The following PIBF1 variants were observed in gnomAD, a reference collection of about 807,000 sequenced individuals.
PIBF1 encodes the protein progesterone-induced-blocking factor 1.
A neutral mutation model predicts 112.5 loss-of-function variants in PIBF1; 90 were observed. The observed-to-expected ratio is 0.80, with a 90% CI of 0.67 to 0.95. The LOEUF is 0.95. Among genes scored for constraint, PIBF1 ranks in the 40% least tolerant of loss-of-function variants. The pLI, the probability that PIBF1 is intolerant of heterozygous loss-of-function variation, is 0.00. For missense variants in PIBF1, 915 were observed against 852.3 expected, an observed-to-expected ratio of 1.07 and a Z score of -0.92; for synonymous variants, 301 against 288.6, an observed-to-expected ratio of 1.04 and a Z score of -0.44.
chr13:72,831,097 G>A (rs1241612482), intron 8 of PIBF1, among the ~76,000 whole-genome samples: 2 of 151,994 alleles, frequency 1.3e-5, no homozygotes, highest in Admixed American at 1.3e-4. Context: ...TTATTTCTGT[G>A]GGATCGTTGG....
chr13:72,828,474 T>G (rs2036936831), intron 8 of PIBF1, among the ~76,000 whole-genome samples: 1 of 152,094 alleles, frequency 6.6e-6, no homozygotes, highest in South Asian at 2.1e-4. Flanking sequence ...CCCCTCCCTG[T>G]GTCCACGTGT....
At chr13:72,856,526 G>A (rs2038429906) in intron 10 of PIBF1, among the ~76,000 whole-genome samples, 1 of 152,108 alleles carries the variant, frequency 6.6e-6, no homozygotes, top group African/African-American at 2.4e-5. Flanking sequence ...CCCTTGAGCA[G>A]CAAATAGAGC....
chr13:72,875,259 T>A (rs970239945), intron 10 of PIBF1, among the ~76,000 whole-genome samples: 1 of 152,206 alleles, frequency 6.6e-6, no homozygotes, highest in Non-Finnish European at 1.5e-5. Context: ...CAGTGCTGAA[T>A]AGTATTCTAT....
chr13:72,870,084 A>G (rs190606976), intron 10 of PIBF1, among the ~76,000 whole-genome samples: 17 of 152,310 alleles, frequency 1.1e-4, no homozygotes, highest in Admixed American at 9.8e-4. Flanking sequence ...ATAATTGTAC[A>G]TGACATACAA....
intron 14 of PIBF1, among the ~76,000 whole-genome samples, chr13:72,948,745 G>A (rs1162121714): frequency 6.6e-6 from 1 of 152,204 alleles, no homozygotes; most frequent in Non-Finnish European, 1.5e-5. Context: ...CAATCATGGT[G>A]GAAGGGTAAG....
chr13:73,011,608 A>C (rs2044205592), intron 17 of PIBF1, among the ~76,000 whole-genome samples: 2 of 152,118 alleles, frequency 1.3e-5, no homozygotes, highest in Admixed American at 6.6e-5. Context: ...CCACCTAAGA[A>C]GGGAAAAAAA....
chr13:72,973,796 C>A, intron 16 of PIBF1, 121 bp downstream of exon 16: 1 of 593,820 alleles, frequency 1.7e-6, no homozygotes. Context: ...ATTTATGTCT[C>A]ACTGTAATTT....
chr13:73,005,387 T>C (rs1376968457), intron 17 of PIBF1, among the ~76,000 whole-genome samples: 3 of 151,306 alleles, frequency 2.0e-5, no homozygotes, highest in African/African-American at 7.3e-5. Context: ...GGTGGGAGGA[T>C]CACATGAGCC....
chr13:73,001,555 C>T (rs537154973), intron 17 of PIBF1, among the ~76,000 whole-genome samples: 3 of 119,762 alleles, frequency 2.5e-5, no homozygotes, highest in South Asian at 2.7e-4. Flanking sequence ...AGTGCTGTGA[C>T]GCAGAGGAGG....
At chr13:72,986,011 T>A (rs1396769095) in intron 16 of PIBF1, among the ~76,000 whole-genome samples, 8 of 151,754 alleles carry the variant, frequency 5.3e-5, no homozygotes, top group African/African-American at 1.9e-4. Flanking sequence ...TTAAAATAAA[T>A]AATTAGCTAG....
At chr13:72,788,209 A>AT (rs770318654) in intron 2 of PIBF1, among the ~76,000 whole-genome samples, 42 of 152,204 alleles carry the variant, frequency 2.8e-4, no homozygotes, top group Non-Finnish European at 4.0e-4. Context: ...GCTTCCTGTC[A>AT]TTGGAAGCAT....
chr13:72,832,634 G>A (rs748895112), intron 8 of PIBF1, among the ~76,000 whole-genome samples: 4 of 152,170 alleles, frequency 2.6e-5, no homozygotes, highest in African/African-American at 7.2e-5. Flanking sequence ...AGAGAGATCC[G>A]CTGTTAGTCT....
At chr13:72,835,439 A>G in intron 9 of PIBF1, 71 bp downstream of exon 9, 1 of 1,187,288 alleles carries the variant, frequency 8.4e-7, no homozygotes, top group East Asian at 2.6e-5. Flanking sequence ...ATTGAAATTA[A>G]ATGCTATTTA....
intron 5 of PIBF1, among the ~76,000 whole-genome samples, chr13:72,816,696 TAA>T (rs1036889954): frequency 7.1e-6 from 1 of 139,954 alleles, no homozygotes. Context: ...TTTTTTTCTT[TAA>T]AAAAAAAAAA....
chr13:72,993,052 G>A (rs548099049), intron 16 of PIBF1, among the ~76,000 whole-genome samples: 2 of 152,296 alleles, frequency 1.3e-5, no homozygotes, highest in South Asian at 2.1e-4. Context: ...AAAATCAGTA[G>A]GCCAGATGCA....
chr13:72,986,882 A>G lies in PIBF1; in HGVS notation c.2050-11940A>G, dbSNP rs1030953098. Among the ~76,000 whole-genome samples the G allele has an allele frequency of 3.6e-4, 55 of 152,126 alleles. No individual in the cohort carries two copies. The East Asian group carries it at 7.4e-3, about 20-fold the overall frequency. On this transcript the variant is annotated intron_variant, in intron 16 of 17. Transcript: ENST00000326291. Reference sequence around the variant, plus strand: ...ATTTTTTTGTATTTTTAGTAGAGACAGGGTTTCACCTTGTTAGCCAGGATG... The same window carrying G: ...ATTTTTTTGTATTTTTAGTAGAGACGGGGTTTCACCTTGTTAGCCAGGATG...
intron 9 of PIBF1, among the ~76,000 whole-genome samples, chr13:72,843,033 G>A (rs1213871355): frequency 1.3e-5 from 2 of 152,248 alleles, no homozygotes; most frequent in East Asian, 1.9e-4. Flanking sequence ...ATACCTTTGT[G>A]GTGTAATTCG....
chr13:72,885,243 T>A (rs371648840), intron 10 of PIBF1, among the ~76,000 whole-genome samples: 7 of 152,294 alleles, frequency 4.6e-5, no homozygotes, highest in African/African-American at 1.7e-4. Context: ...ATACCTAACC[T>A]ATAATCATTT....
intron 17 of PIBF1, among the ~76,000 whole-genome samples, chr13:73,014,269 A>G (rs1489570233): frequency 6.6e-6 from 1 of 152,022 alleles, no homozygotes; most frequent in Non-Finnish European, 1.5e-5. Flanking sequence ...AATTGTACCT[A>G]TTCTCTACAA....
Sources: allele counts gnomAD v4.1 joint callset (sites outside exome capture counted in the v4.1 genomes callset), GRCh38; gene constraint gnomAD v4.1.1; transcripts MANE v1.5; gene names NCBI Gene and HGNC (gene_info 2026-07-23, HGNC 2026-07-21).